KCNIP1: variants seen among roughly 807,000 people sequenced by gnomAD.
KCNIP1 encodes A-type potassium channel modulatory protein KCNIP1.
In KCNIP1, 18 loss-of-function variants were observed where a neutral mutation model predicts 33.0. That is an observed-to-expected ratio of 0.55 (90% CI 0.38 to 0.81). The LOEUF is 0.81. KCNIP1 is among the 30% of genes least tolerant of loss of function. KCNIP1 has a pLI of 0.00. For missense variants in KCNIP1, 238 were observed against 271.6 expected (o/e 0.88, Z 0.87); for synonymous variants, 93 against 98.3 (o/e 0.95, Z 0.32).
At chr5:170,606,726 AC>A (rs1287289753) in intron 1 of KCNIP1, among the ~76,000 whole-genome samples, 1 of 151,794 alleles carries the variant, frequency 6.6e-6, no homozygotes, top group Non-Finnish European at 1.5e-5. Context: ...CTTAACCATT[AC>A]CCCACCAGTC....
chr5:170,476,460 C>T (rs180773345), intron 1 of KCNIP1, among the ~76,000 whole-genome samples: 10 of 152,316 alleles, frequency 6.6e-5, no homozygotes, highest in African/African-American at 2.2e-4. Context: ...AACTTCTCCT[C>T]TGTTCCAATC....
rs138566739 is a variant in KCNIP1, at chr5:170,670,914, T to TA, written c.62-47834dup. Among the ~76,000 whole-genome samples the TA allele has an allele frequency of 4.8e-5, 7 of 145,900 alleles. No homozygotes were observed. The East Asian group carries it at 8.1e-4, about 17-fold the overall frequency. On this transcript the variant is annotated intron_variant, in intron 1 of 7. Transcript: ENST00000328939. ...CTGTCTCAAAAAACAAAAAAAAAAA[T>TA]AAAAAAAAAAGAAGAGGACATCTGG...
intron 1 of KCNIP1, among the ~76,000 whole-genome samples, chr5:170,602,035 C>T (rs1321233066): frequency 6.6e-6 from 1 of 152,196 alleles, no homozygotes; most frequent in African/African-American, 2.4e-5. Context: ...GAGGCTGCCT[C>T]TGTGTGTGAT....
intron 1 of KCNIP1, among the ~76,000 whole-genome samples, chr5:170,497,920 C>T (rs923093769): frequency 2.0e-5 from 3 of 152,236 alleles, no homozygotes; most frequent in African/African-American, 7.2e-5. Context: ...AGGGGGAATC[C>T]TCAGGCAGCG....
chr5:170,735,652 G>A, intron 7 of KCNIP1, 107 bp from the exon 8 acceptor site: 1 of 961,880 alleles, frequency 1.0e-6, no homozygotes, highest in South Asian at 1.4e-5. Flanking sequence ...CCCTTGTAGA[G>A]TTTTCTCCAT....
At chr5:170,556,069 A>G (rs6862443) in intron 1 of KCNIP1, among the ~76,000 whole-genome samples, 17,155 of 152,260 alleles carry the variant, frequency 0.11, 3,111 homozygotes, top group African/African-American at 0.38. Flanking sequence ...CGTTTAGTGA[A>G]CACAAAATAT....
At chr5:170,524,055 TTC>T (rs1468095821) in intron 1 of KCNIP1, among the ~76,000 whole-genome samples, 2 of 152,108 alleles carry the variant, frequency 1.3e-5, no homozygotes, top group Non-Finnish European at 2.9e-5. Context: ...TGCCCTGGCT[TTC>T]TTGTGGTGGC....
intron 1 of KCNIP1, among the ~76,000 whole-genome samples, chr5:170,391,254 G>GAGGGGGGC (rs1754582989): frequency 6.6e-6 from 1 of 152,174 alleles, no homozygotes; most frequent in South Asian, 2.1e-4. Flanking sequence ...AGTGCAACAG[G>GAGGGGGGC]CTGCCATTTA....
At chr5:170,497,280 T>C (rs1757327958) in intron 1 of KCNIP1, among the ~76,000 whole-genome samples, 2 of 152,204 alleles carry the variant, frequency 1.3e-5, no homozygotes, top group African/African-American at 4.8e-5. Context: ...CTAAAGCACT[T>C]AAATGCTTCC....
chr5:170,564,539 C>T (rs980018185), intron 1 of KCNIP1, among the ~76,000 whole-genome samples: 1 of 152,078 alleles, frequency 6.6e-6, no homozygotes, highest in African/African-American at 2.4e-5. Context: ...CCTAGCTTTT[C>T]CCCACCTTCC....
intron 1 of KCNIP1, among the ~76,000 whole-genome samples, chr5:170,367,405 GAAA>G (rs879764740): frequency 0.036 from 4,168 of 116,880 alleles, 167 homozygotes; most frequent in Middle Eastern, 0.062. Flanking sequence ...AAGAAAGAAA[GAAA>G]GAAAGAAAGA....
At chr5:170,573,073 T>C (rs1757477242) in intron 1 of KCNIP1, among the ~76,000 whole-genome samples, 1 of 152,096 alleles carries the variant, frequency 6.6e-6, no homozygotes, top group South Asian at 2.1e-4. Context: ...AGCCCAGAGC[T>C]CCCACCTCGG....
intron 4 of KCNIP1, among the ~76,000 whole-genome samples, 191 bp from the exon 5 acceptor site, chr5:170,722,522 A>C (rs1763861865): frequency 6.6e-6 from 1 of 151,790 alleles, no homozygotes; most frequent in Non-Finnish European, 1.5e-5. Flanking sequence ...TGCAAAAAAA[A>C]ACAAAAAAAT....
intron 1 of KCNIP1, among the ~76,000 whole-genome samples, chr5:170,492,936 G>A (rs1176932158): frequency 6.6e-6 from 1 of 152,104 alleles, no homozygotes; most frequent in Non-Finnish European, 1.5e-5. Context: ...TTTTAGTAGA[G>A]ACGGGGTTTC....
intron 1 of KCNIP1, among the ~76,000 whole-genome samples, chr5:170,495,331 C>T (rs1309939619): frequency 6.6e-6 from 1 of 152,214 alleles, no homozygotes; most frequent in Non-Finnish European, 1.5e-5. Context: ...TGGACCGCAC[C>T]ACTGTTGGGT....
intron 5 of KCNIP1, among the ~76,000 whole-genome samples, chr5:170,724,224 A>G (rs1430221196): frequency 6.6e-6 from 1 of 152,206 alleles, no homozygotes; most frequent in Non-Finnish European, 1.5e-5. Context: ...TCAATCCTAC[A>G]AAAAAATTTT....
At chr5:170,482,136 A>G (rs1480847690) in intron 1 of KCNIP1, among the ~76,000 whole-genome samples, 3 of 152,180 alleles carry the variant, frequency 2.0e-5, no homozygotes, top group South Asian at 2.1e-4. Flanking sequence ...TTTTAGGCCA[A>G]TTGAGAATGT....
intron 1 of KCNIP1, chr5:170,483,298 C>T: frequency 3.6e-6 from 1 of 275,020 alleles, no homozygotes; most frequent in Non-Finnish European, 7.1e-6. Context: ...ATTCCCTCCC[C>T]AGGAGGAGAT....
intron 1 of KCNIP1, among the ~76,000 whole-genome samples, chr5:170,453,139 C>T (rs1756294728): frequency 6.6e-6 from 1 of 152,186 alleles, no homozygotes; most frequent in South Asian, 2.1e-4. Flanking sequence ...TTCCTCTTCA[C>T]CCTCCAAATT....
Sources: allele counts gnomAD v4.1 joint callset (sites outside exome capture counted in the v4.1 genomes callset), GRCh38; gene constraint gnomAD v4.1.1; transcripts MANE v1.5; gene names NCBI Gene and HGNC (gene_info 2026-07-23, HGNC 2026-07-21).